YWHAE: variants seen among roughly 807,000 people sequenced by gnomAD.
The protein encoded by YWHAE is tyrosine 3-monooxygenase/tryptophan 5-monooxygenase activation protein epsilon, also known as 14-3-3 protein epsilon.
A neutral mutation model predicts 30.1 loss-of-function variants in YWHAE; 4 were observed. The observed-to-expected ratio is 0.13, with a 90% CI of 0.07 to 0.30. YWHAE has a LOEUF of 0.30. Ranked by LOEUF, YWHAE falls within the 10% of genes least tolerant of loss-of-function variation. YWHAE has a pLI of 1.00. For missense variants in YWHAE, 121 were observed against 315.9 expected (o/e 0.38, Z 4.68); for synonymous variants, 118 against 111.8 (o/e 1.06, Z -0.35).
chr17:1,350,402 T>C (rs1283349225), intron 5 of YWHAE, among the ~76,000 whole-genome samples: 3 of 152,126 alleles, frequency 2.0e-5, no homozygotes, highest in Non-Finnish European at 4.4e-5. Context: ...ACAGAAGTAA[T>C]CCAGACTTGG....
chr17:1,360,624 G>A (rs1177257513), intron 4 of YWHAE, among the ~76,000 whole-genome samples: 1 of 151,912 alleles, frequency 6.6e-6, no homozygotes, highest in African/African-American at 2.4e-5. Flanking sequence ...AAATTAGTTG[G>A]GCATGGTGGC....
At chr17:1,376,353 C>T (rs1182511866) in intron 1 of YWHAE, among the ~76,000 whole-genome samples, 1 of 149,302 alleles carries the variant, frequency 6.7e-6, no homozygotes, top group East Asian at 1.9e-4. Flanking sequence ...GACAGAAAGA[C>T]AAGAAAGACA....
At chr17:1,382,044 T>G (rs909927653) in intron 1 of YWHAE, among the ~76,000 whole-genome samples, 1 of 147,274 alleles carries the variant, frequency 6.8e-6, no homozygotes, top group Non-Finnish European at 1.5e-5. Context: ...GCATAAGTAG[T>G]AGTTTTTTTG....
intron 5 of YWHAE, among the ~76,000 whole-genome samples, chr17:1,351,547 C>CA (rs1440813770): frequency 1.3e-5 from 2 of 152,106 alleles, no homozygotes; most frequent in African/African-American, 2.4e-5. Flanking sequence ...CATCAACAGG[C>CA]AGAGAGATAC....
intron 5 of YWHAE, among the ~76,000 whole-genome samples, chr17:1,350,229 G>T (rs928863938): frequency 1.9e-4 from 29 of 151,776 alleles, no homozygotes; most frequent in Non-Finnish European, 3.4e-4. Flanking sequence ...TGGGATTATA[G>T]GCGTGAGCCA....
intron 2 of YWHAE, among the ~76,000 whole-genome samples, chr17:1,362,838 C>G (rs2072884602): frequency 6.6e-6 from 1 of 152,136 alleles, no homozygotes; most frequent in South Asian, 2.1e-4. Flanking sequence ...TCCCTGACAG[C>G]TTTTCCAATA....
intron 1 of YWHAE, among the ~76,000 whole-genome samples, chr17:1,383,019 C>T (rs1476781305): frequency 1.4e-5 from 2 of 147,896 alleles, no homozygotes; most frequent in African/African-American, 5.1e-5. Flanking sequence ...AGCAAGATTC[C>T]GTCTCAAGAA....
intron 1 of YWHAE, among the ~76,000 whole-genome samples, chr17:1,382,617 C>T (rs1354936577): frequency 6.6e-6 from 1 of 152,062 alleles, no homozygotes; most frequent in Non-Finnish European, 1.5e-5. Flanking sequence ...GCCTCGGCCT[C>T]CCAAAGTGCT....
rs553864625 is a variant in YWHAE, at chr17:1,370,979, A to G, written c.65-5921T>C. 1.0e-3 allele frequency among the ~76,000 whole-genome samples: 152 copies of G among 152,136 alleles called. 1 individual carries two copies. Among genetic ancestry groups the G allele is most frequent in the Non-Finnish European group, 4.7e-4 (32 of 68,000 alleles). Reference sequence around the variant, plus strand: ...GTGCCACTGCACTCCAGCCTGGGCGACACAGCGAGACTCCTTCTCAAAAAA... The same window carrying G: ...GTGCCACTGCACTCCAGCCTGGGCGGCACAGCGAGACTCCTTCTCAAAAAA... On this transcript the variant is annotated intron_variant, in intron 1 of 5. Coordinates refer to ENST00000264335, the MANE Select transcript of YWHAE (RefSeq NM_006761.5).
rs931340632 is a variant in YWHAE at position 1,358,539 on chromosome 17, CA to C, written c.578+2552del. Among the ~76,000 whole-genome samples, 1,266 of 147,606 alleles carry C rather than the reference CA, an allele frequency of 8.6e-3. 11 individuals are homozygous for C. Among genetic ancestry groups the C allele is most frequent in the Non-Finnish European group, 0.015 (991 of 66,918 alleles). On this transcript the variant is annotated intron_variant, in intron 4 of 5. Transcript: ENST00000264335. ...CAGGCGTGAGCCACTGCACGCAGCCCAAAAAAAATTTAAAAATTGGCCGGGC... is the reference window on the plus strand; with the variant it reads ...CAGGCGTGAGCCACTGCACGCAGCCCAAAAAAATTTAAAAATTGGCCGGGC...
At chr17:1,365,147 T>G (rs1056698978) in intron 1 of YWHAE, 89 bp from the exon 2 acceptor site, 19 of 1,353,974 alleles carry the variant, frequency 1.4e-5, no homozygotes, top group African/African-American at 9.8e-5. Flanking sequence ...GTCAAGCTAC[T>G]GCGAAAAAAA....
rs968122771 is a variant in YWHAE at position 1,399,972 on chromosome 17, T to C, written c.64+75A>G. ...GCTCGCAGACGATGCCGCCATTTTG[T>C]CTCCTGTTCCCGGCCTCTGTGGGCG... On this transcript the variant is annotated intron_variant, in intron 1 of 5. Transcript: ENST00000264335. 2.3e-5 allele frequency: 36 copies of C among 1,578,844 alleles called. No homozygotes were observed. The South Asian group carries it at 3.8e-4, about 16-fold the overall frequency.
In YWHAE at chr17:1,389,436, T is replaced by G. The variant is rs368742730; in HGVS notation, c.64+10611A>C. 3.3e-5 allele frequency among the ~76,000 whole-genome samples: 5 copies of G among 152,272 alleles called. No individual in the cohort carries two copies. In the South Asian group the frequency reaches 8.3e-4, roughly 25 times the overall value. On this transcript the variant is annotated intron_variant, in intron 1 of 5. Transcript: ENST00000264335. ...CAAGGCTTATATTATGCCTTTAGAATCACATTTCACAAAATTGGTCATAGC... is the reference window on the plus strand; with the variant it reads ...CAAGGCTTATATTATGCCTTTAGAAGCACATTTCACAAAATTGGTCATAGC...
intron 2 of YWHAE, among the ~76,000 whole-genome samples, chr17:1,363,502 G>C (rs1012331124): frequency 2.6e-5 from 4 of 152,034 alleles, no homozygotes; most frequent in Admixed American, 2.6e-4. Context: ...CTCACCTCAG[G>C]TACCTGCCCG....
intron 1 of YWHAE, among the ~76,000 whole-genome samples, chr17:1,369,196 T>C (rs1402312786): frequency 6.6e-6 from 1 of 152,118 alleles, no homozygotes; most frequent in East Asian, 1.9e-4. Flanking sequence ...TACCTAACAA[T>C]TCACCCATTT....
At chr17:1,367,997 T>C (rs529166722) in intron 1 of YWHAE, among the ~76,000 whole-genome samples, 3 of 152,260 alleles carry the variant, frequency 2.0e-5, no homozygotes, top group South Asian at 4.1e-4. Context: ...ACACCTGTCA[T>C]CTTAGCACTT....
chr17:1,368,717 T>A (rs2072984476), intron 1 of YWHAE, among the ~76,000 whole-genome samples: 1 of 152,174 alleles, frequency 6.6e-6, no homozygotes, highest in Admixed American at 6.5e-5. Flanking sequence ...GAATAGGTAA[T>A]CGTACCTCCA....
Position 1,345,442 on chromosome 17 carries a change from A to C in YWHAE, c.*5T>G. The C allele has an allele frequency of 6.2e-7, 1 of 1,613,844 alleles. No homozygotes were observed. Among genetic ancestry groups the C allele is most frequent in the South Asian group, 1.1e-5 (1 of 91,078 alleles). On this transcript the variant is annotated 3_prime_UTR_variant, in exon 6 of 6. Transcript: ENST00000264335. ...CAGAGATGGTTTCTCTTGTTGGCTT[A>C]TGTCTCACTGATTTTCGTCTTCCAC...
chr17:1,391,056 C>T (rs1040558567), intron 1 of YWHAE, among the ~76,000 whole-genome samples: 3 of 150,630 alleles, frequency 2.0e-5, no homozygotes, highest in Non-Finnish European at 4.4e-5. Flanking sequence ...TAGGACACTG[C>T]TACCAACACC....
Sources: allele counts gnomAD v4.1 joint callset (sites outside exome capture counted in the v4.1 genomes callset), GRCh38; gene constraint gnomAD v4.1.1; transcripts MANE v1.5; gene names NCBI Gene and HGNC (gene_info 2026-07-23, HGNC 2026-07-21).